The following TASP1 variants were observed in gnomAD, a reference collection of about 807,000 sequenced individuals.
TASP1 encodes the protein taspase 1.
A neutral mutation model predicts 56.6 loss-of-function variants in TASP1; 16 were observed. The observed-to-expected ratio is 0.28, with a 90% CI of 0.19 to 0.43. TASP1 has a LOEUF of 0.43. Among genes scored for constraint, TASP1 ranks in the 20% least tolerant of loss-of-function variants. TASP1 has a pLI of 1.00. For synonymous variants in TASP1, 179 were observed against 184.2 expected (o/e 0.97, Z 0.23); for missense variants, 393 against 511.6 (o/e 0.77, Z 2.24).
intron 11 of TASP1, among the ~76,000 whole-genome samples, chr20:13,473,951 G>A (rs1026713197): frequency 6.6e-6 from 1 of 152,162 alleles, no homozygotes; most frequent in East Asian, 1.9e-4. Flanking sequence ...GTAAGTGCCT[G>A]TAATCCTAGC....
intron 1 of TASP1, among the ~76,000 whole-genome samples, chr20:13,636,119 GAATA>G (rs1672428508): frequency 6.9e-6 from 1 of 145,764 alleles, no homozygotes; most frequent in South Asian, 2.2e-4. Flanking sequence ...TACAACTCAT[GAATA>G]AATAATTGTG....
chr20:13,581,798 G>A (rs986516513), intron 5 of TASP1, among the ~76,000 whole-genome samples: 2 of 152,124 alleles, frequency 1.3e-5, no homozygotes, highest in Non-Finnish European at 2.9e-5. Context: ...AAATCTATCG[G>A]ATGAGTTAGC....
chr20:13,180,636 T>C, the TASP1 span, among the ~76,000 whole-genome samples: 4 of 152,220 alleles, frequency 2.6e-5, no homozygotes, highest in African/African-American at 7.2e-5. Context: ...GATGAGGAAG[T>C]AGACTAAGAG....
intron 11 of TASP1, among the ~76,000 whole-genome samples, chr20:13,460,654 T>A (rs1020560802): frequency 2.6e-5 from 4 of 152,158 alleles, no homozygotes; most frequent in African/African-American, 9.6e-5. Context: ...TCATTTCTCT[T>A]CTTTGCCCAG....
intron 2 of TASP1, among the ~76,000 whole-genome samples, chr20:13,626,368 A>G (rs1465637664): frequency 2.0e-5 from 3 of 152,218 alleles, no homozygotes; most frequent in African/African-American, 7.2e-5. Flanking sequence ...CAGAGGTTGC[A>G]GTGAACCAAG....
chr20:13,500,669 A>T (rs564025868), intron 10 of TASP1, among the ~76,000 whole-genome samples: 1 of 152,200 alleles, frequency 6.6e-6, no homozygotes, highest in Admixed American at 6.5e-5. Flanking sequence ...AAAAGACAGC[A>T]AACAAAAGGA....
chr20:13,195,270 A>G, the TASP1 span, among the ~76,000 whole-genome samples: 1 of 152,228 alleles, frequency 6.6e-6, no homozygotes, highest in Non-Finnish European at 1.5e-5. Flanking sequence ...CACACTGGGC[A>G]GCTGCTGCAT....
the TASP1 span, among the ~76,000 whole-genome samples, chr20:13,321,509 C>G: frequency 6.6e-6 from 1 of 152,120 alleles, no homozygotes; most frequent in African/African-American, 2.4e-5. Flanking sequence ...CATCTAAAAC[C>G]CTCATTAGCA....
At chr20:13,536,563 G>T (rs1279361549) in intron 8 of TASP1, among the ~76,000 whole-genome samples, 1 of 151,942 alleles carries the variant, frequency 6.6e-6, no homozygotes, top group Admixed American at 6.6e-5. Flanking sequence ...GTCAAGAAAG[G>T]GTATTCTTTT....
At chr20:13,151,242 C>T in the TASP1 span, among the ~76,000 whole-genome samples, 32 of 152,252 alleles carry the variant, frequency 2.1e-4, 1 homozygote, top group East Asian at 3.3e-3. Flanking sequence ...AGTTTACTAC[C>T]ATCCTCTCTA....
the TASP1 span, among the ~76,000 whole-genome samples, chr20:13,159,538 A>T: frequency 6.6e-6 from 1 of 152,194 alleles, no homozygotes; most frequent in East Asian, 1.9e-4. Context: ...GCTCATTGAA[A>T]TTTCCACATT....
the TASP1 span, among the ~76,000 whole-genome samples, chr20:13,112,897 A>G: frequency 6.6e-6 from 1 of 152,186 alleles, no homozygotes; most frequent in Non-Finnish European, 1.5e-5. Flanking sequence ...GATATTTCCC[A>G]TAAGGCCAGG....
At chr20:13,269,147 CA>C in the TASP1 span, among the ~76,000 whole-genome samples, 1 of 152,076 alleles carries the variant, frequency 6.6e-6, no homozygotes, top group Non-Finnish European at 1.5e-5. Flanking sequence ...TCCCAAACCC[CA>C]AAACATGCCC....
At chr20:13,584,513 A>C (rs1310752030) in intron 5 of TASP1, among the ~76,000 whole-genome samples, 1 of 131,618 alleles carries the variant, frequency 7.6e-6, no homozygotes, top group African/African-American at 3.0e-5. Flanking sequence ...TAATAAGAGA[A>C]ACTAAAATTA....
chr20:13,616,026 G>A lies in TASP1; in HGVS notation c.282+7420C>T, dbSNP rs116378612. ...ACAGACAAAAACAGTAGATGTTAAG[G>A]TATAAACCTGATGCCGCAAATGACA... On this transcript the variant is annotated intron_variant, in intron 4 of 13. Coordinates refer to ENST00000337743, the MANE Select transcript of TASP1 (RefSeq NM_017714.3). Among the ~76,000 whole-genome samples, 1,058 of 151,874 alleles carry A rather than the reference G, an allele frequency of 7.0e-3. 18 individuals carry two copies. The highest frequency in any genetic ancestry group is 0.025 in the African/African-American group (1,015 of 41,410).
intron 4 of TASP1, among the ~76,000 whole-genome samples, chr20:13,588,229 AG>A (rs2047377625): frequency 6.8e-6 from 1 of 148,090 alleles, no homozygotes; most frequent in South Asian, 2.1e-4. Flanking sequence ...TTAGACAAAA[AG>A]GAGAAAGAAA....
intron 13 of TASP1, chr20:13,393,349 G>T: frequency 1.3e-6 from 1 of 750,016 alleles, no homozygotes; most frequent in Non-Finnish European, 2.4e-6. Flanking sequence ...GAGCTGAACA[G>T]GAAGCTCAAT....
At chr20:13,382,675 T>A in the TASP1 span, among the ~76,000 whole-genome samples, 2 of 152,166 alleles carry the variant, frequency 1.3e-5, no homozygotes, top group African/African-American at 2.4e-5. Context: ...TGTTTTGTCT[T>A]TTATATTTAG....
chr20:13,568,239 C>G (rs1216063275), intron 7 of TASP1, among the ~76,000 whole-genome samples: 2 of 152,086 alleles, frequency 1.3e-5, no homozygotes, highest in Non-Finnish European at 2.9e-5. Context: ...CCTCAAACTC[C>G]TAAGCTCAAA....
Sources: allele counts gnomAD v4.1 joint callset (sites outside exome capture counted in the v4.1 genomes callset), GRCh38; gene constraint gnomAD v4.1.1; transcripts MANE v1.5; gene names NCBI Gene and HGNC (gene_info 2026-07-23, HGNC 2026-07-21).